Variants in ADGRL3 observed in about 807,000 individuals in gnomAD.
ADGRL3 encodes adhesion G protein-coupled receptor L3.
ADGRL3 carries 62 observed loss-of-function variants against 153.5 expected under a neutral mutation model. That is an observed-to-expected ratio of 0.40 (90% CI 0.33 to 0.50). The LOEUF is 0.50. Among genes scored for constraint, ADGRL3 ranks in the 20% least tolerant of loss-of-function variants. ADGRL3 has a pLI of 0.47. For missense variants in ADGRL3, 1,641 were observed against 1,859.4 expected (o/e 0.88, Z 2.16); for synonymous variants, 710 against 672.5 (o/e 1.06, Z -0.86).
intron 2 of ADGRL3, among the ~76,000 whole-genome samples, chr4:61,485,442 G>A (rs2098179982): frequency 6.6e-6 from 1 of 151,984 alleles, no homozygotes; most frequent in African/African-American, 2.4e-5. Context: ...TCTCATTACT[G>A]TTTAAGCCCC....
intron 8 of ADGRL3, among the ~76,000 whole-genome samples, chr4:61,739,536 A>G (rs2096559055): frequency 6.6e-6 from 1 of 152,198 alleles, no homozygotes; most frequent in Non-Finnish European, 1.5e-5. Flanking sequence ...GGTGCTTTGT[A>G]AAGACTGTTG....
At chr4:62,007,395 CAT>C (rs112126943) in intron 21 of ADGRL3, among the ~76,000 whole-genome samples, 7 of 76,460 alleles carry the variant, frequency 9.2e-5, no homozygotes, top group Middle Eastern at 0.011. Context: ...CACACACACA[CAT>C]ATATATATAC....
chr4:61,771,791 A>G (rs2097090376), intron 8 of ADGRL3, among the ~76,000 whole-genome samples: 1 of 152,006 alleles, frequency 6.6e-6, no homozygotes, highest in African/African-American at 2.4e-5. Flanking sequence ...TAAGCCTTTT[A>G]TAGGCTAACC....
intron 8 of ADGRL3, among the ~76,000 whole-genome samples, chr4:61,793,241 G>A (rs997718045): frequency 2.0e-5 from 3 of 152,016 alleles, no homozygotes; most frequent in Non-Finnish European, 4.4e-5. Flanking sequence ...TGGCTAACAT[G>A]GTGAAACCCC....
chr4:61,587,130 TATTGATTTAC>T (rs1291400624), intron 4 of ADGRL3, 87 bp from the exon 5 acceptor site: 47 of 669,900 alleles, frequency 7.0e-5, no homozygotes, highest in Admixed American at 4.3e-4. Flanking sequence ...TATATCTTCG[TATTGATTTAC>T]CCCAAACATT....
At chr4:61,867,027 T>C (rs1312605813) in intron 9 of ADGRL3, among the ~76,000 whole-genome samples, 1 of 152,126 alleles carries the variant, frequency 6.6e-6, no homozygotes, top group East Asian at 1.9e-4. Context: ...AGTTACAACA[T>C]GGAAAATTCA....
intron 21 of ADGRL3, among the ~76,000 whole-genome samples, chr4:62,006,877 G>T (rs999172060): frequency 1.3e-5 from 2 of 151,992 alleles, no homozygotes; most frequent in African/African-American, 4.8e-5. Flanking sequence ...GCCACTGCTG[G>T]AAGTATCAAA....
In ADGRL3 at chr4:62,077,394, C is replaced by T. The variant is rs980792716; in HGVS notation, c.*6486C>T. ...ACTACAAAATTTCTTGCTACATTGG[C>T]AAGGAAATATGTTTAAAGCCGAGAA... On this transcript the variant is annotated 3_prime_UTR_variant, in exon 27 of 27. Coordinates refer to ENST00000683033, the MANE Select transcript of ADGRL3 (RefSeq NM_001387552.1). 2 of 151,856 alleles carry T rather than the reference C, an allele frequency of 1.3e-5. No individual in the cohort carries two copies. The highest frequency in any genetic ancestry group is 4.1e-4 in the South Asian group (2 of 4,830). The allele number at this position is 151,856 out of a possible 1,614,324, so 9.4% of individuals were successfully genotyped here. A position where few individuals can be genotyped will look rare whatever the true frequency, so the allele number is the denominator to read the frequency against.
intron 1 of ADGRL3, among the ~76,000 whole-genome samples, chr4:61,353,056 CG>C (rs1191646637): frequency 3.3e-5 from 5 of 152,188 alleles, no homozygotes; most frequent in African/African-American, 1.2e-4. Context: ...GCTCAGTTAC[CG>C]TATCTTAGGG....
At chr4:61,234,681 A>C (rs1365395256) in intron 1 of ADGRL3, among the ~76,000 whole-genome samples, 1 of 152,160 alleles carries the variant, frequency 6.6e-6, no homozygotes, top group Non-Finnish European at 1.5e-5. Flanking sequence ...AGAAGGAAAG[A>C]AAATGTTTCA....
At chr4:61,245,666 T>C (rs958171987) in intron 1 of ADGRL3, among the ~76,000 whole-genome samples, 3 of 152,124 alleles carry the variant, frequency 2.0e-5, no homozygotes, top group Non-Finnish European at 4.4e-5. Context: ...CCTGTGAATA[T>C]GTTGCCAGTC....
At chr4:61,677,569 G>C (rs186074578) in intron 6 of ADGRL3, among the ~76,000 whole-genome samples, 1 of 151,882 alleles carries the variant, frequency 6.6e-6, no homozygotes, top group Non-Finnish European at 1.5e-5. Context: ...AACATTTTCT[G>C]ACTTTCCCAC....
chr4:61,948,211 C>T lies in ADGRL3; in HGVS notation c.2740C>T (p.His914Tyr), dbSNP rs377117985. The T allele has an allele frequency of 1.2e-4, 190 of 1,613,714 alleles. No individual in the cohort carries two copies. Among genetic ancestry groups the T allele is most frequent in the Non-Finnish European group, 1.5e-4 (177 of 1,179,814 alleles). The change falls in exon 17 of 27, where the codon CAT becomes TAT. Residue 914 changes from histidine to tyrosine, a missense_variant. Physicochemically the swap from His to Tyr is moderately conservative, Grantham distance 83 (BLOSUM62 2). This residue lies in a region of ADGRL3 where 734 missense variants were observed against 797.0 expected (regional missense o/e 0.92). Coordinates refer to ENST00000683033, the MANE Select transcript of ADGRL3 (RefSeq NM_001387552.1). The stretch of plus-strand genomic sequence containing the variant: ...TCGGCTCCTGACAACAAATAAGACA[C>T]ATACTACATGCTCTTGTAACCACCT... Reference protein sequence around the residue: ...GCRLLTTNKTHTTCSCNHLTN... With the variant: ...GCRLLTTNKTYTTCSCNHLTN...
intron 5 of ADGRL3, among the ~76,000 whole-genome samples, chr4:61,649,366 A>G (rs1253483691): frequency 6.6e-6 from 1 of 152,144 alleles, no homozygotes; most frequent in Non-Finnish European, 1.5e-5. Context: ...TAAATTTACC[A>G]TATTAAAGGT....
At chr4:61,961,245 C>G (rs969968439) in intron 17 of ADGRL3, among the ~76,000 whole-genome samples, 1 of 152,144 alleles carries the variant, frequency 6.6e-6, no homozygotes, top group Non-Finnish European at 1.5e-5. Context: ...TAGCTGCCAC[C>G]TTCCTTGCCC....
At chr4:61,571,070 A>G (rs1228351995) in intron 4 of ADGRL3, among the ~76,000 whole-genome samples, 1 of 152,052 alleles carries the variant, frequency 6.6e-6, no homozygotes, top group Non-Finnish European at 1.5e-5. Flanking sequence ...AATAGTAAAG[A>G]TGGAGTAGGG....
intron 21 of ADGRL3, among the ~76,000 whole-genome samples, chr4:62,001,443 T>A (rs2099139931): frequency 6.6e-6 from 1 of 152,160 alleles, no homozygotes; most frequent in African/African-American, 2.4e-5. Context: ...TTTGGCAGGA[T>A]AACGGGACAT....
chr4:61,937,371 C>T (rs2098843719), intron 15 of ADGRL3, among the ~76,000 whole-genome samples: 1 of 151,070 alleles, frequency 6.6e-6, no homozygotes, highest in Admixed American at 6.6e-5. Context: ...TTGAACACAC[C>T]AAGCATGTTC....
At chr4:61,621,415 A>G (rs12508440) in intron 5 of ADGRL3, among the ~76,000 whole-genome samples, 16,691 of 152,086 alleles carry the variant, frequency 0.11, 990 homozygotes, top group Admixed American at 0.14. Context: ...CCCAGTATAC[A>G]GTATCCTTGC....
Sources: allele counts gnomAD v4.1 joint callset (sites outside exome capture counted in the v4.1 genomes callset), GRCh38; gene constraint gnomAD v4.1.1; regional missense constraint gnomAD v4.1.1; transcripts MANE v1.5; gene names NCBI Gene and HGNC (gene_info 2026-07-23, HGNC 2026-07-21).